DCAF8L2: variants seen among roughly 807,000 people sequenced by gnomAD.
DCAF8L2 encodes DDB1 and CUL4 associated factor 8 like 2.
For missense variants in DCAF8L2, 430 were observed against 490.7 expected (o/e 0.88, Z 1.17); for synonymous variants, 200 against 190.9 (o/e 1.05, Z -0.39).
rs933471715 is a variant in DCAF8L2 at position 27,590,368 on chromosome X, C to T, written c.-414C>T. ...TGTGGAGTCGCAAAAGCTGAACATC[C>T]TCCCCACAAGGTTATTTAGAAGACG... On this transcript the variant is annotated 5_prime_UTR_variant, in exon 1 of 5. Coordinates refer to ENST00000451261, the MANE Select transcript of DCAF8L2 (RefSeq NM_001353450.2). 1 of 111,563 alleles carries T rather than the reference C, an allele frequency of 9.0e-6. No individual in the cohort carries two copies. Among genetic ancestry groups the T allele is most frequent in the Non-Finnish European group, 1.9e-5 (1 of 53,145 alleles). The allele number at this position is 111,563 out of a possible 1,213,427, so 9.2% of individuals were successfully genotyped here.
chrX:27,732,951 G>A (rs5971447), intron 4 of DCAF8L2, among the ~76,000 whole-genome samples: 5 of 110,502 alleles, frequency 4.5e-5, no homozygotes, highest in African/African-American at 1.3e-4. Context: ...TCCACCTCCC[G>A]GGTTCAAGCG....
At chrX:27,613,428 T>C (rs1159516635) in intron 1 of DCAF8L2, among the ~76,000 whole-genome samples, 1 of 111,451 alleles carries the variant, frequency 9.0e-6, no homozygotes, top group Non-Finnish European at 1.9e-5. Context: ...CTTTTCCTAA[T>C]TGAATACCCT....
chrX:27,685,661 A>C (rs755460246), intron 3 of DCAF8L2, among the ~76,000 whole-genome samples: 80 of 112,076 alleles, frequency 7.1e-4, no homozygotes, highest in Middle Eastern at 4.6e-3. Context: ...ACTTCAGGAC[A>C]TTAGTCTGGG....
At chrX:27,708,118 G>A (rs5926487) in intron 3 of DCAF8L2, among the ~76,000 whole-genome samples, 31,598 of 110,321 alleles carry the variant, frequency 0.29, 3,919 homozygotes, top group Middle Eastern at 0.43. Context: ...CTCATGCACT[G>A]AGCATAGTAC....
At chrX:27,686,558 G>C (rs760825433) in intron 3 of DCAF8L2, among the ~76,000 whole-genome samples, 3 of 111,171 alleles carry the variant, frequency 2.7e-5, no homozygotes, top group Non-Finnish European at 5.7e-5. Context: ...AGAATAGAAT[G>C]GTGGTTACCA....
chrX:27,629,986 A>G (rs1928218137), intron 1 of DCAF8L2, among the ~76,000 whole-genome samples: 1 of 111,606 alleles, frequency 9.0e-6, no homozygotes, highest in African/African-American at 3.2e-5. Context: ...TTTTTTATCA[A>G]TCTTTTGTAG....
chrX:27,701,497 A>T (rs1351511090), intron 3 of DCAF8L2, among the ~76,000 whole-genome samples: 1 of 111,285 alleles, frequency 9.0e-6, no homozygotes, highest in Non-Finnish European at 1.9e-5. Flanking sequence ...ACGTGAAAGG[A>T]CTGAAATTAA....
At chrX:27,594,778 A>G (rs1282419516) in intron 1 of DCAF8L2, among the ~76,000 whole-genome samples, 1 of 111,895 alleles carries the variant, frequency 8.9e-6, no homozygotes, top group Non-Finnish European at 1.9e-5. Flanking sequence ...AACATCAATA[A>G]CAGGGCAAGC....
the DCAF8L2 span, among the ~76,000 whole-genome samples, chrX:27,485,484 A>C: frequency 9.0e-6 from 1 of 111,551 alleles, no homozygotes; most frequent in African/African-American, 3.3e-5. Context: ...TCTGTATTAC[A>C]TATACCTTTA....
At chrX:27,696,104 C>T (rs746765418) in intron 3 of DCAF8L2, among the ~76,000 whole-genome samples, 1 of 107,109 alleles carries the variant, frequency 9.3e-6, no homozygotes, top group South Asian at 4.2e-4. Flanking sequence ...GAGGCTGAGG[C>T]AGGATAATCG....
At chrX:27,482,661 A>G in the DCAF8L2 span, among the ~76,000 whole-genome samples, 1 of 111,787 alleles carries the variant, frequency 8.9e-6, no homozygotes, top group Admixed American at 9.5e-5. Context: ...AAAATACTAC[A>G]AGTTATTTTA....
At position 27,615,364 on chromosome X, in the gene DCAF8L2, T is replaced by C. The variant is rs200246398; in HGVS notation, c.-341-16515T>C. Among the ~76,000 whole-genome samples, 30 of 111,986 alleles carry C rather than the reference T, an allele frequency of 2.7e-4. No individual in the cohort carries two copies. In the East Asian group the frequency reaches 8.0e-3, roughly 30 times the overall value. On this transcript the variant is annotated intron_variant, in intron 1 of 4. Coordinates refer to ENST00000451261, the MANE Select transcript of DCAF8L2 (RefSeq NM_001353450.2). ...ATGAATCAATGTAATTTTATAAACATTTATAATTATAATCAATAAATTTTA... is the reference window on the plus strand; with the variant it reads ...ATGAATCAATGTAATTTTATAAACACTTATAATTATAATCAATAAATTTTA...
rs965536818 is a variant in DCAF8L2 at position 27,722,849 on chromosome X, G to T, written c.-59+6678G>T. On this transcript the variant is annotated intron_variant, in intron 4 of 4. Coordinates refer to ENST00000451261, the MANE Select transcript of DCAF8L2 (RefSeq NM_001353450.2). ...AACAATGTAAAACAAGGAGGTAAAAGTATTTCATGTAACAGATAATAAGAA... is the reference window on the plus strand; with the variant it reads ...AACAATGTAAAACAAGGAGGTAAAATTATTTCATGTAACAGATAATAAGAA... Among the ~76,000 whole-genome samples the T allele has an allele frequency of 6.2e-4, 69 of 110,778 alleles. 1 individual carries two copies. Among genetic ancestry groups the T allele is most frequent in the African/African-American group, 2.2e-3 (67 of 30,591 alleles).
intron 1 of DCAF8L2, among the ~76,000 whole-genome samples, chrX:27,595,502 T>C (rs980512696): frequency 2.7e-5 from 3 of 112,011 alleles, no homozygotes; most frequent in African/African-American, 9.7e-5. Context: ...TCAACTTTCA[T>C]GTAAGAGCAA....
chrX:27,564,123 G>A, the DCAF8L2 span, among the ~76,000 whole-genome samples: 5 of 111,860 alleles, frequency 4.5e-5, no homozygotes, highest in Non-Finnish European at 9.4e-5. Context: ...GGCTGCGGAG[G>A]CTTTGGGAAA....
chrX:27,612,250 G>C (rs1317100283), intron 1 of DCAF8L2, among the ~76,000 whole-genome samples: 3 of 111,848 alleles, frequency 2.7e-5, no homozygotes, highest in Non-Finnish European at 5.6e-5. Context: ...CTTCTTTTGA[G>C]ATGTGTCTGT....
rs368081541 is a variant in DCAF8L2 at position 27,664,730 on chromosome X, A to G, written c.-219-13106A>G. On this transcript the variant is annotated intron_variant, in intron 2 of 4. Transcript: ENST00000451261. ...GGGGCTAAGGCAGTTGGTGACTTTA[A>G]GTTAAAGCCAGAATTCATTTACCAT... Among the ~76,000 whole-genome samples, 3 of 111,771 alleles carry G rather than the reference A, an allele frequency of 2.7e-5. No homozygotes were observed. In the East Asian group the frequency reaches 8.4e-4, roughly 31 times the overall value.
At chrX:27,619,817 TA>T (rs1927668907) in intron 1 of DCAF8L2, among the ~76,000 whole-genome samples, 2 of 110,908 alleles carry the variant, frequency 1.8e-5, no homozygotes, top group African/African-American at 6.6e-5. Flanking sequence ...TTCTACTGCT[TA>T]AAATTTTAAA....
chrX:27,660,776 TC>T (rs1929531576), intron 2 of DCAF8L2, among the ~76,000 whole-genome samples: 2 of 112,044 alleles, frequency 1.8e-5, no homozygotes, highest in Non-Finnish European at 3.8e-5. Context: ...GGCAGGCAAG[TC>T]TCAGGTGCCG....
Sources: allele counts gnomAD v4.1 joint callset (sites outside exome capture counted in the v4.1 genomes callset), GRCh38; gene constraint gnomAD v4.1.1; transcripts MANE v1.5; gene names NCBI Gene and HGNC (gene_info 2026-07-23, HGNC 2026-07-21).